The following GALNT15 variants were observed in gnomAD, a reference collection of about 807,000 sequenced individuals.
GALNT15 encodes UDP-GalNAc transferase T15.
GALNT15 carries 67 observed loss-of-function variants against 66.8 expected under a neutral mutation model. The ratio of observed to expected loss-of-function variants is 1.00; its 90% CI spans 0.82 to 1.23. The LOEUF (loss-of-function observed/expected upper bound fraction) is 1.23. GALNT15 is among the 50% of genes most tolerant of loss of function. The pLI, the probability that GALNT15 is intolerant of heterozygous loss-of-function variation, is 0.00. For missense variants in GALNT15, 827 were observed against 804.3 expected, an observed-to-expected ratio of 1.03 and a Z score of -0.34; for synonymous variants, 313 against 311.5, an observed-to-expected ratio of 1.00 and a Z score of -0.05.
chr3:16,179,407 G>A (rs568170771), intron 1 of GALNT15, among the ~76,000 whole-genome samples: 3 of 152,314 alleles, frequency 2.0e-5, no homozygotes, highest in Non-Finnish European at 4.4e-5. Flanking sequence ...ACATGGGCTG[G>A]AAGTGTTTTC....
intron 4 of GALNT15, 62 bp downstream of exon 4, chr3:16,208,732 C>T (rs2063783760): frequency 6.8e-7 from 1 of 1,478,630 alleles, no homozygotes; most frequent in Non-Finnish European, 9.4e-7. Context: ...TGCAGCCTGC[C>T]TGCCTGGGGT....
At chr3:16,214,286 G>A (rs2063849793) in intron 6 of GALNT15, among the ~76,000 whole-genome samples, 1 of 152,210 alleles carries the variant, frequency 6.6e-6, no homozygotes, top group South Asian at 2.1e-4. Context: ...TCCAACTCTA[G>A]ACACCGATCT....
At chr3:16,235,789 G>A (rs115644936), downstream of GALNT15, among the ~76,000 whole-genome samples, 2,187 of 152,208 alleles carry the variant, frequency 0.014, 67 homozygotes, top group African/African-American at 0.049. Context: ...CAGCCTTGCC[G>A]GGTAGGATAG....
Position 16,200,696 on chromosome 3 carries a change from G to T in GALNT15, c.784G>T (p.Gly262Cys). The change falls in exon 3 of 10, where the codon GGT (glycine) becomes TGT (cysteine). Residue 262 changes from glycine to cysteine, a missense_variant. Transcript: ENST00000339732. This position sits in a 1 kb window ranked among gnomAD's most constrained non-coding sequence, Gnocchi z 4.4. ...GTTACTCAGGAGCAACAAGAGGCTG[G>T]GTGCCATCAGGGCCCGGATGCTGGG... ...VKLLRSNKRL[G>C]AIRARMLGAT... 6.2e-7 allele frequency: 1 copy of T among 1,610,534 alleles called. No individual in the cohort carries two copies. Among genetic ancestry groups the T allele is most frequent in the Non-Finnish European group, 8.5e-7 (1 of 1,178,472 alleles).
chr3:16,225,578 T>G lies in GALNT15; in HGVS notation c.1774-1776T>G, dbSNP rs2064000125. On this transcript the variant is annotated intron_variant, in intron 9 of 9. Coordinates refer to ENST00000339732, the MANE Select transcript of GALNT15 (RefSeq NM_054110.5). The surrounding 1 kb of genome is among the most constrained non-coding windows in gnomAD (Gnocchi z 4.4). ...GGTGTGGTGGTGCACACCTCTAGTC[T>G]CAGCTACTCAGGAGGTTGAGGCAGG... Among the ~76,000 whole-genome samples the G allele has an allele frequency of 6.6e-6, 1 of 151,754 alleles. No individual in the cohort carries two copies. Among genetic ancestry groups the G allele is most frequent in the Non-Finnish European group, 1.5e-5 (1 of 67,940 alleles).
chr3:16,211,424 G>T lies in GALNT15; in HGVS notation c.1197+183G>T, dbSNP rs775047396. The stretch of plus-strand genomic sequence containing the variant: ...CACAGTTTCCCATCTCTCCTGTGCT[G>T]TAGCTTGGTTTCACTCTCAGTGCCT... On this transcript the variant is annotated intron_variant, in intron 5 of 9. Coordinates refer to ENST00000339732, the MANE Select transcript of GALNT15 (RefSeq NM_054110.5). The surrounding 1 kb of genome is among the most constrained non-coding windows in gnomAD (Gnocchi z 4.3). Among the ~76,000 whole-genome samples the T allele has an allele frequency of 1.3e-5, 2 of 152,164 alleles. No individual in the cohort carries two copies. The highest frequency in any genetic ancestry group is 1.9e-4 in the East Asian group (1 of 5,192).
intron 8 of GALNT15, 24 bp downstream of exon 8, chr3:16,220,038 TG>T: frequency 6.4e-7 from 1 of 1,555,234 alleles, no homozygotes; most frequent in Non-Finnish European, 8.9e-7. Flanking sequence ...CTTCTCAGGA[TG>T]GATGATAGCC....
chr3:16,232,838 T>A (rs2064097603), downstream of GALNT15, among the ~76,000 whole-genome samples: 1 of 151,694 alleles, frequency 6.6e-6, no homozygotes. Context: ...AAGTGCAGAT[T>A]CTGATTTGGT....
chr3:16,244,997 T>A, the GALNT15 span, among the ~76,000 whole-genome samples: 1 of 151,804 alleles, frequency 6.6e-6, no homozygotes, highest in African/African-American at 2.4e-5. Context: ...TGCACCAGGG[T>A]TTTCTCTGAA....
rs2064048346 is a variant in GALNT15, at chr3:16,228,626, G to A, written c.*1126G>A. ...ATTGCACTCCAACCTGGGTGACAGAGTGAGACTCCATCTCAAAAAAAAAAA... is the reference window on the plus strand; with the variant it reads ...ATTGCACTCCAACCTGGGTGACAGAATGAGACTCCATCTCAAAAAAAAAAA... On this transcript the variant is annotated 3_prime_UTR_variant, in exon 10 of 10. Coordinates refer to ENST00000339732, the MANE Select transcript of GALNT15 (RefSeq NM_054110.5). 4.2e-6 allele frequency: 4 copies of A among 948,990 alleles called. No homozygotes were observed. The Admixed American group carries it at 2.4e-4, about 57-fold the overall frequency. The allele number at this position is 948,990 out of a possible 1,614,324, so 58.8% of individuals were successfully genotyped here. A position where few individuals can be genotyped will look rare whatever the true frequency, so the allele number is the denominator to read the frequency against.
In GALNT15 at chr3:16,224,188, GTTA is replaced by G. The variant is rs1432258432; in HGVS notation, c.1773+1435_1773+1437del. On this transcript the variant is annotated intron_variant, in intron 9 of 9. Coordinates refer to ENST00000339732, the MANE Select transcript of GALNT15 (RefSeq NM_054110.5). The surrounding 1 kb of genome is among the most constrained non-coding windows in gnomAD (Gnocchi z 5.2). ...AGGCATTAATAAATAACTTCTAAAA[GTTA>G]TTATCATTCAGCCAGAAAAAGGAAT... Among the ~76,000 whole-genome samples, 1 of 152,158 alleles carries G rather than the reference GTTA, an allele frequency of 6.6e-6. No homozygotes were observed. The highest frequency in any genetic ancestry group is 2.4e-5 in the African/African-American group (1 of 41,420).
At position 16,227,417 on chromosome 3, in the gene GALNT15, A is replaced by G. The variant is rs942193486; in HGVS notation, c.1837A>G (p.Lys613Glu). Reference sequence around the variant, plus strand: ...GGAAGCTGTGGTGCAAGAAAACAATAAAGATTTGTACCTGCGTCCGTGTGA... The same window carrying G: ...GGAAGCTGTGGTGCAAGAAAACAATGAAGATTTGTACCTGCGTCCGTGTGA... The part of the protein sequence containing the change: ...CMEAVVQENN[K>E]DLYLRPCDGK... The change falls in exon 10 of 10, where the codon AAA becomes GAA. Residue 613 changes from lysine (K) to glutamate (E), a missense_variant. By Grantham distance (56) the Lys-to-Glu change is moderately conservative (BLOSUM62 1). Transcript: ENST00000339732. This position sits in a 1 kb window ranked among gnomAD's most constrained non-coding sequence, Gnocchi z 4.5. 22 of 1,614,166 alleles carry G rather than the reference A, an allele frequency of 1.4e-5. No individual in the cohort carries two copies. The highest frequency in any genetic ancestry group is 1.7e-5 in the Non-Finnish European group (20 of 1,180,028).
At chr3:16,178,700 T>C (rs2063439353) in intron 1 of GALNT15, among the ~76,000 whole-genome samples, 2 of 152,226 alleles carry the variant, frequency 1.3e-5, no homozygotes, top group Admixed American at 6.5e-5. Flanking sequence ...GACAGGACTC[T>C]TCGGCTCCTA....
Position 16,219,459 on chromosome 3 carries a change from G to T in GALNT15, c.1449G>T (p.Arg483=). 3 of 1,614,196 alleles carry T rather than the reference G, an allele frequency of 1.9e-6. No individual in the cohort carries two copies. Among genetic ancestry groups the T allele is most frequent in the Non-Finnish European group, 2.5e-6 (3 of 1,180,028 alleles). ...RLQLQRRLGC[R]TFHWFLANVY... is the part of the protein sequence containing the mutation. ...AGCTGCAAAGGAGACTGGGTTGTCG[G>T]ACATTCCACTGGTTTCTGGCTAATG... Residue 483 remains arginine, a synonymous_variant, in exon 7 of 10, where the codon CGG becomes CGT. Coordinates refer to ENST00000339732, the MANE Select transcript of GALNT15 (RefSeq NM_054110.5). This position sits in a 1 kb window ranked among gnomAD's most constrained non-coding sequence, Gnocchi z 4.3.
At chr3:16,226,003 C>G (rs2064009815) in intron 9 of GALNT15, among the ~76,000 whole-genome samples, 2 of 149,690 alleles carry the variant, frequency 1.3e-5, no homozygotes, top group Admixed American at 1.3e-4. Context: ...GAGCCGAGAT[C>G]ACACCACTGT....
chr3:16,202,010 A>G (rs1035118555), intron 3 of GALNT15, among the ~76,000 whole-genome samples: 17 of 152,192 alleles, frequency 1.1e-4, no homozygotes, highest in Non-Finnish European at 5.9e-5. Context: ...TATGACTTCT[A>G]CCCATGATGA....
rs993808910 is a variant in GALNT15, at chr3:16,228,970, C to A, written c.*1470C>A. On this transcript the variant is annotated 3_prime_UTR_variant, in exon 10 of 10. Coordinates refer to ENST00000339732, the MANE Select transcript of GALNT15 (RefSeq NM_054110.5). Reference sequence around the variant, plus strand: ...ACTTTCCTTGCTATGACTTGGCTTACCTGAATTAGCTGTAAGAGTTGCCGA... The same window carrying A: ...ACTTTCCTTGCTATGACTTGGCTTAACTGAATTAGCTGTAAGAGTTGCCGA... The A allele has an allele frequency of 2.0e-6, 2 of 985,412 alleles. No individual in the cohort carries two copies. Among genetic ancestry groups the A allele is most frequent in the Non-Finnish European group, 2.4e-6 (2 of 829,936 alleles). The allele number at this position is 985,412 out of a possible 1,614,324, so 61.0% of individuals were successfully genotyped here.
Position 16,202,357 on chromosome 3 carries a change from G to A in GALNT15, c.911+1534G>A, listed in dbSNP as rs2063712603. On this transcript the variant is annotated intron_variant, in intron 3 of 9. Coordinates refer to ENST00000339732, the MANE Select transcript of GALNT15 (RefSeq NM_054110.5). ...ACACAAAAATGCACAAGCTGGCCAG[G>A]CACGGTGGCTCATGCCTGTAATCCC... Among the ~76,000 whole-genome samples, 3 of 152,332 alleles carry A rather than the reference G, an allele frequency of 2.0e-5. No homozygotes were observed. The South Asian group carries it at 6.2e-4, about 32-fold the overall frequency.
chr3:16,241,794 C>T, the GALNT15 span, among the ~76,000 whole-genome samples: 6 of 152,146 alleles, frequency 3.9e-5, no homozygotes, highest in South Asian at 2.1e-4. This position sits in a 1 kb window ranked among gnomAD's most constrained non-coding sequence, Gnocchi z 4.6. Context: ...GTGATCCACT[C>T]ACCTCGGCCT....
Sources: allele counts gnomAD v4.1 joint callset (sites outside exome capture counted in the v4.1 genomes callset), GRCh38; gene constraint gnomAD v4.1.1; non-coding constraint Gnocchi (gnomAD v3.1); transcripts MANE v1.5; gene names NCBI Gene and HGNC (gene_info 2026-07-23, HGNC 2026-07-21).